Variants in PRDM11 observed in about 807,000 individuals in gnomAD.
The protein encoded by PRDM11 is PR/SET domain 11.
Under a neutral mutation model 97.8 loss-of-function variants are expected in PRDM11, and 20 were observed. The ratio of observed to expected loss-of-function variants is 0.20; its 90% CI spans 0.14 to 0.30. The LOEUF is 0.30. Among genes scored for constraint, PRDM11 ranks in the 10% least tolerant of loss-of-function variants. The probability of loss-of-function intolerance (pLI) is 1.00; values close to 1 mark genes in which losing one functional copy is unlikely to be tolerated. For synonymous variants in PRDM11, 599 were observed against 637.7 expected (o/e 0.94, Z 0.91); for missense variants, 1,139 against 1,555.2 (o/e 0.73, Z 4.50).
intron 1 of PRDM11, among the ~76,000 whole-genome samples, chr11:45,148,954 C>T (rs1156672149): frequency 1.3e-5 from 2 of 152,144 alleles, no homozygotes; most frequent in African/African-American, 4.8e-5. Context: ...TCTTCTAGGG[C>T]TCTGATCTTG....
rs1297781474 is a variant in PRDM11, at chr11:45,229,467, CACACACACACACACAG to C, written c.*1324_*1339del. 3.3e-3 allele frequency: 93 copies of C among 28,344 alleles called. No individual in the cohort carries two copies. The highest frequency in any genetic ancestry group is 9.2e-3 in the Non-Finnish European group (56 of 6,112). 1.8% of individuals were successfully genotyped at this position (28,344 alleles called of 1,614,324 possible). On this transcript the variant is annotated 3_prime_UTR_variant, in exon 8 of 8. Coordinates refer to ENST00000683152, the MANE Select transcript of PRDM11 (RefSeq NM_001384648.1). ...CTCTCAAGGCATCAGCCTACACAGA[CACACACACACACACAG>C]ACACACACACACACACAGACACACA...
intron 1 of PRDM11, among the ~76,000 whole-genome samples, chr11:45,147,998 A>G (rs1488616029): frequency 6.6e-6 from 1 of 152,138 alleles, no homozygotes; most frequent in East Asian, 1.9e-4. Context: ...GCCTGTAGCA[A>G]CCAAGCTGGT....
chr11:45,102,626 C>T (rs1851997257), intron 1 of PRDM11, among the ~76,000 whole-genome samples: 1 of 151,820 alleles, frequency 6.6e-6, no homozygotes, highest in South Asian at 2.1e-4. Context: ...AGGTCCAGCC[C>T]CCCTTGCACC....
chr11:45,126,223 T>C (rs1482454561), intron 1 of PRDM11, among the ~76,000 whole-genome samples: 1 of 152,098 alleles, frequency 6.6e-6, no homozygotes, highest in Non-Finnish European at 1.5e-5. Flanking sequence ...TTTGAGCCTA[T>C]GTGTGTCTCT....
intron 1 of PRDM11, among the ~76,000 whole-genome samples, chr11:45,139,292 T>C (rs1304039168): frequency 6.6e-6 from 1 of 152,170 alleles, no homozygotes; most frequent in African/African-American, 2.4e-5. Flanking sequence ...CAAAATGTTT[T>C]AGGCAGTGGC....
Position 45,224,211 on chromosome 11 carries a change from T to C in PRDM11, c.743-6T>C. The C allele has an allele frequency of 1.3e-6, 2 of 1,566,574 alleles. No homozygotes were observed. Among genetic ancestry groups the C allele is most frequent in the Non-Finnish European group, 8.6e-7 (1 of 1,160,692 alleles). The stretch of plus-strand genomic sequence containing the variant: ...CATTTCCTTACACCCTGGTTTTCCT[T>C]CCTAGGAGAGAAGAGGTTGCAGAGG... On this transcript the variant is annotated splice_region_variant and splice_polypyrimidine_tract_variant and intron_variant, in intron 6 of 7. Coordinates refer to ENST00000683152, the MANE Select transcript of PRDM11 (RefSeq NM_001384648.1).
chr11:45,097,367 A>T (rs1011994444), intron 1 of PRDM11, among the ~76,000 whole-genome samples: 13 of 152,236 alleles, frequency 8.5e-5, no homozygotes, highest in Non-Finnish European at 2.9e-5. Context: ...AAGTCTGAGG[A>T]ATAGTAGCTA....
chr11:45,160,894 T>C (rs1851911168), intron 1 of PRDM11, among the ~76,000 whole-genome samples: 1 of 151,988 alleles, frequency 6.6e-6, no homozygotes, highest in African/African-American at 2.4e-5. Flanking sequence ...CCTCAGAGAG[T>C]TGAAAACAGT....
At chr11:45,174,100 G>GTT (rs368771311) in intron 1 of PRDM11, among the ~76,000 whole-genome samples, 5 of 151,816 alleles carry the variant, frequency 3.3e-5, no homozygotes, top group African/African-American at 9.7e-5. Flanking sequence ...TGGCTGGTTG[G>GTT]TTTTTTTTGG....
intron 1 of PRDM11, among the ~76,000 whole-genome samples, chr11:45,154,754 C>T (rs1851749179): frequency 6.6e-6 from 1 of 152,218 alleles, no homozygotes; most frequent in Admixed American, 6.5e-5. Context: ...ATCACTAGCC[C>T]AGGCAGGTTG....
At position 45,231,185 on chromosome 11, in the gene PRDM11, A is replaced by G. The variant is rs1233307077; in HGVS notation, c.*3026A>G. 6.6e-6 allele frequency: 1 copy of G among 152,160 alleles called. No homozygotes were observed. Among genetic ancestry groups the G allele is most frequent in the African/African-American group, 2.4e-5 (1 of 41,438 alleles). The allele number at this position is 152,160 out of a possible 1,614,324, so 9.4% of individuals were successfully genotyped here. A position where few individuals can be genotyped will look rare whatever the true frequency, so the allele number is the denominator to read the frequency against. The stretch of plus-strand genomic sequence containing the variant: ...CAGGGAATAATTTGGGTGATACACC[A>G]CTGCAATTTACACGGGGTCTCTTCT... On this transcript the variant is annotated 3_prime_UTR_variant, in exon 8 of 8. Coordinates refer to ENST00000683152, the MANE Select transcript of PRDM11 (RefSeq NM_001384648.1).
At chr11:45,170,703 C>T (rs1301112876) in intron 1 of PRDM11, among the ~76,000 whole-genome samples, 1 of 152,122 alleles carries the variant, frequency 6.6e-6, no homozygotes, top group African/African-American at 2.4e-5. Flanking sequence ...GGGCAGAGGG[C>T]ACTTGACCTG....
chr11:45,154,533 C>T (rs1312258528), intron 1 of PRDM11, among the ~76,000 whole-genome samples: 1 of 152,138 alleles, frequency 6.6e-6, no homozygotes, highest in African/African-American at 2.4e-5. Context: ...CAGATAGCTG[C>T]TGCCCATCCT....
intron 1 of PRDM11, among the ~76,000 whole-genome samples, chr11:45,130,517 A>C (rs1852693727): frequency 6.6e-6 from 1 of 152,168 alleles, no homozygotes; most frequent in Non-Finnish European, 1.5e-5. Context: ...CATCACTACA[A>C]ACTTTCTAGA....
intron 1 of PRDM11, among the ~76,000 whole-genome samples, chr11:45,152,699 T>C (rs1851689172): frequency 6.6e-6 from 1 of 152,250 alleles, no homozygotes; most frequent in Admixed American, 6.5e-5. Context: ...GATCATGGTA[T>C]TGTTATTTCC....
At chr11:45,139,307 G>A (rs996320707) in intron 1 of PRDM11, among the ~76,000 whole-genome samples, 1 of 152,148 alleles carries the variant, frequency 6.6e-6, no homozygotes, top group Admixed American at 6.5e-5. Flanking sequence ...AGTGGCTCAC[G>A]CCTGTAATTC....
At chr11:45,155,392 G>A (rs1238376919) in intron 1 of PRDM11, among the ~76,000 whole-genome samples, 1 of 152,184 alleles carries the variant, frequency 6.6e-6, no homozygotes, top group African/African-American at 2.4e-5. Flanking sequence ...AGCCAACTGG[G>A]ACCCAGCCAG....
rs767802218 is a variant in PRDM11, at chr11:45,101,567, A to AAAAAAAAGAAGAAGAAG, written c.96+5668_96+5669insAAAAAGAAGAAGAAGAA. ...CAACACTCTGTCTCAAAAAAAAAAAAAAGAAGAAGAAGAAGAAGAAGAAGA... is the reference window on the plus strand; with the variant it reads ...CAACACTCTGTCTCAAAAAAAAAAAAAAAAAAAGAAGAAGAAGAAGAAGAAGAAGAAGAAGAAGAAGA... On this transcript the variant is annotated intron_variant, in intron 1 of 6. Transcript: ENST00000530656. Among the ~76,000 whole-genome samples the AAAAAAAAGAAGAAGAAG allele has an allele frequency of 7.2e-4, 70 of 96,862 alleles. 2 individuals carry two copies. The highest frequency in any genetic ancestry group is 3.1e-3 in the African/African-American group (63 of 20,550). 63.5% of individuals were successfully genotyped at this position (96,862 alleles called of 152,430 possible).
chr11:45,182,465 C>A, intron 3 of PRDM11, 116 bp downstream of exon 3: 1 of 945,000 alleles, frequency 1.1e-6, no homozygotes, highest in Non-Finnish European at 1.6e-6. Context: ...ATATACCAGG[C>A]CCAGGTCCAG....
Sources: allele counts gnomAD v4.1 joint callset (sites outside exome capture counted in the v4.1 genomes callset), GRCh38; gene constraint gnomAD v4.1.1; transcripts MANE v1.5; gene names NCBI Gene and HGNC (gene_info 2026-07-23, HGNC 2026-07-21).